TTLL1: variants seen among roughly 807,000 people sequenced by gnomAD.
TTLL1 encodes polyglutamylase complex subunit TTLL1.
TTLL1 carries 33 observed loss-of-function variants against 47.8 expected under a neutral mutation model. The observed-to-expected ratio is 0.69, with a 90% CI of 0.52 to 0.92. TTLL1 has a LOEUF of 0.92. Among genes scored for constraint, TTLL1 ranks in the 40% least tolerant of loss-of-function variants. The pLI is 0.00. For missense variants in TTLL1, 488 were observed against 547.5 expected (o/e 0.89, Z 1.08); for synonymous variants, 225 against 214.1 (o/e 1.05, Z -0.45).
At chr22:43,079,715 C>T (rs1928755522) in intron 2 of TTLL1, among the ~76,000 whole-genome samples, 187 bp downstream of exon 2, 1 of 152,168 alleles carries the variant, frequency 6.6e-6, no homozygotes, top group Non-Finnish European at 1.5e-5. Context: ...CCCCAGGCCT[C>T]AACGCTTTCA....
intron 1 of TTLL1, among the ~76,000 whole-genome samples, chr22:43,080,779 C>T (rs1041383037): frequency 2.3e-5 from 3 of 131,552 alleles, no homozygotes; most frequent in Non-Finnish European, 5.3e-5. Flanking sequence ...CCCTCTGTCT[C>T]CTCTCCTGCC....
At chr22:43,044,655 G>A (rs1485549410) in intron 10 of TTLL1, among the ~76,000 whole-genome samples, 1 of 152,018 alleles carries the variant, frequency 6.6e-6, no homozygotes, top group Non-Finnish European at 1.5e-5. Context: ...ACGCCCACTC[G>A]ACTGCAGTAT....
intron 8 of TTLL1, among the ~76,000 whole-genome samples, chr22:43,058,669 AG>A (rs1403865840): frequency 6.6e-6 from 1 of 152,086 alleles, no homozygotes; most frequent in African/African-American, 2.4e-5. Flanking sequence ...GCAGGCGGCA[AG>A]AAAGTGAAAA....
At chr22:43,082,864 A>G (rs934432035) in intron 1 of TTLL1, among the ~76,000 whole-genome samples, 8 of 151,008 alleles carry the variant, frequency 5.3e-5, no homozygotes, top group Non-Finnish European at 1.2e-4. Flanking sequence ...AAATACAAAA[A>G]TTAGCTGGGC....
At chr22:43,080,902 C>T (rs1310644307) in intron 1 of TTLL1, among the ~76,000 whole-genome samples, 10 of 69,282 alleles carry the variant, frequency 1.4e-4, no homozygotes, top group South Asian at 5.6e-4. Context: ...TGTTGCATGA[C>T]TTTTTTTTTT....
At chr22:43,071,118 T>C (rs1250881100) in intron 3 of TTLL1, among the ~76,000 whole-genome samples, 1 of 152,098 alleles carries the variant, frequency 6.6e-6, no homozygotes, top group Non-Finnish European at 1.5e-5. Flanking sequence ...GGATTTGCCA[T>C]GTTGCCCAGG....
At chr22:43,072,511 G>A (rs1196088741) in intron 3 of TTLL1, among the ~76,000 whole-genome samples, 1 of 152,012 alleles carries the variant, frequency 6.6e-6, no homozygotes, top group African/African-American at 2.4e-5. Flanking sequence ...TCACTCTGTT[G>A]CCCAGGCTGG....
At chr22:43,086,654 C>T (rs534865016) in intron 1 of TTLL1, among the ~76,000 whole-genome samples, 1 of 152,298 alleles carries the variant, frequency 6.6e-6, no homozygotes, top group Admixed American at 6.5e-5. Context: ...CATCACAGTT[C>T]AACTGTGGCC....
intron 7 of TTLL1, among the ~76,000 whole-genome samples, chr22:43,063,462 CTTTTT>C (rs34847416): frequency 7.2e-6 from 1 of 139,712 alleles, no homozygotes; most frequent in Non-Finnish European, 1.6e-5. Flanking sequence ...AAAGTCGGTC[CTTTTT>C]TTTTTTTTTT....
intron 4 of TTLL1, among the ~76,000 whole-genome samples, chr22:43,069,061 G>A (rs1348278217): frequency 2.0e-5 from 3 of 151,914 alleles, no homozygotes; most frequent in Admixed American, 1.3e-4. Context: ...GCTGAGCGCT[G>A]AGGGCATCCT....
intron 3 of TTLL1, among the ~76,000 whole-genome samples, chr22:43,074,427 CAAAAAAAAAAA>C (rs61701643): frequency 4.7e-5 from 4 of 85,744 alleles, no homozygotes; most frequent in Admixed American, 3.6e-4. Flanking sequence ...AATTTCGTCT[CAAAAAAAAAAA>C]AAAAAAAAGA....
intron 9 of TTLL1, among the ~76,000 whole-genome samples, chr22:43,051,423 G>A (rs1162951790): frequency 6.6e-6 from 1 of 152,170 alleles, no homozygotes; most frequent in Non-Finnish European, 1.5e-5. Flanking sequence ...GCTCCTGCTG[G>A]CCAAGGGTAC....
intron 8 of TTLL1, among the ~76,000 whole-genome samples, chr22:43,055,460 T>C (rs1013861515): frequency 1.3e-5 from 2 of 152,052 alleles, no homozygotes; most frequent in Admixed American, 6.6e-5. Context: ...GCCTGCCCAG[T>C]AGCTGGGACT....
At chr22:43,067,385 A>G (rs1374182491) in intron 5 of TTLL1, among the ~76,000 whole-genome samples, 1 of 152,226 alleles carries the variant, frequency 6.6e-6, no homozygotes, top group African/African-American at 2.4e-5. Context: ...ACGCTCAGCC[A>G]CTTCGTGTGA....
intron 2 of TTLL1, among the ~76,000 whole-genome samples, chr22:43,077,303 G>A (rs1928570375): frequency 6.6e-6 from 1 of 152,060 alleles, no homozygotes; most frequent in South Asian, 2.1e-4. Flanking sequence ...CACACACTGG[G>A]CCCCTCCGCC....
intron 8 of TTLL1, 85 bp downstream of exon 8, chr22:43,059,299 C>G: frequency 6.5e-7 from 1 of 1,526,868 alleles, no homozygotes. Context: ...CAGCTGAAAA[C>G]AGGGATTTTT....
At chr22:43,087,482 C>G (rs1385499952) in intron 1 of TTLL1, among the ~76,000 whole-genome samples, 1 of 151,078 alleles carries the variant, frequency 6.6e-6, no homozygotes, top group African/African-American at 2.4e-5. Flanking sequence ...TGGCATCACG[C>G]CACTGCACTC....
chr22:43,077,628 T>C (rs1373856299), intron 2 of TTLL1, among the ~76,000 whole-genome samples: 3 of 152,134 alleles, frequency 2.0e-5, no homozygotes, highest in African/African-American at 4.8e-5. Flanking sequence ...GGAGCTATCA[T>C]AGTTACAGGA....
chr22:43,068,659 G>A, intron 4 of TTLL1, 69 bp from the exon 5 acceptor site: 1 of 1,343,216 alleles, frequency 7.4e-7, no homozygotes, highest in Admixed American at 2.6e-5. Flanking sequence ...GAAAGATCTT[G>A]CCCTTGCCTT....
Sources: gnomAD v4.1 joint callset for allele counts (sites outside exome capture counted in the v4.1 genomes callset) on GRCh38, gnomAD v4.1.1 for gene constraint, MANE v1.5 for transcripts, NCBI Gene and HGNC (gene_info 2026-07-23, HGNC 2026-07-21) for gene names.